Variants in RPS6KC1 observed in about 807,000 individuals in gnomAD.
The protein encoded by RPS6KC1 is inactive ribosomal protein S6 kinase delta-1.
Under a neutral mutation model 103.8 loss-of-function variants are expected in RPS6KC1, and 54 were observed. The observed-to-expected ratio is 0.52, with a 90% confidence interval of 0.42 to 0.65. RPS6KC1 has a LOEUF of 0.65. Among genes scored for constraint, RPS6KC1 ranks in the 30% least tolerant of loss-of-function variants. The pLI is 0.00. For synonymous variants in RPS6KC1, 439 were observed against 438.7 expected (o/e 1.00, Z -0.01); for missense variants, 1,151 against 1,253.8 (o/e 0.92, Z 1.24).
intron 6 of RPS6KC1, among the ~76,000 whole-genome samples, chr1:213,157,842 G>C (rs555649667): frequency 1.3e-5 from 2 of 152,104 alleles, no homozygotes; most frequent in Non-Finnish European, 2.9e-5. Context: ...ATCTGTTTTG[G>C]AGATCTGTTA....
intron 3 of RPS6KC1, among the ~76,000 whole-genome samples, chr1:213,099,040 G>C (rs2148724783): frequency 6.6e-6 from 1 of 152,294 alleles, no homozygotes; most frequent in South Asian, 2.1e-4. Flanking sequence ...AGTAGGAGAA[G>C]CACCTGATTA....
At chr1:213,611,317 G>A in the RPS6KC1 span, among the ~76,000 whole-genome samples, 15 of 152,108 alleles carry the variant, frequency 9.9e-5, no homozygotes, top group South Asian at 1.2e-3. Context: ...TCTTGGGACC[G>A]AGCTGCCCCC....
At chr1:213,210,063 G>A (rs1573302953) in intron 8 of RPS6KC1, among the ~76,000 whole-genome samples, 1 of 152,184 alleles carries the variant, frequency 6.6e-6, no homozygotes, top group Middle Eastern at 3.4e-3. Flanking sequence ...CCTCTTTACT[G>A]CATCATGTTT....
the RPS6KC1 span, among the ~76,000 whole-genome samples, chr1:213,804,892 GC>G: frequency 3.3e-5 from 5 of 152,134 alleles, no homozygotes; most frequent in African/African-American, 1.2e-4. Context: ...ACATATGCAG[GC>G]ATACCTTGGA....
At chr1:213,595,834 CA>C in the RPS6KC1 span, among the ~76,000 whole-genome samples, 2 of 152,218 alleles carry the variant, frequency 1.3e-5, no homozygotes, top group African/African-American at 4.8e-5. Context: ...TTTAACTTAA[CA>C]ATGTCTGAAA....
the RPS6KC1 span, among the ~76,000 whole-genome samples, chr1:213,719,827 T>C: frequency 2.0e-5 from 3 of 152,162 alleles, no homozygotes; most frequent in Non-Finnish European, 2.9e-5. Context: ...GAATTAATGT[T>C]GGTGATAGGG....
At chr1:213,120,525 A>G (rs2148922452) in intron 5 of RPS6KC1, among the ~76,000 whole-genome samples, 1 of 152,214 alleles carries the variant, frequency 6.6e-6, no homozygotes, top group South Asian at 2.1e-4. Context: ...CTAGTAGCAA[A>G]AGAGCAGGAA....
At chr1:213,523,627 T>C in the RPS6KC1 span, among the ~76,000 whole-genome samples, 834 of 152,362 alleles carry the variant, frequency 5.5e-3, 11 homozygotes, top group African/African-American at 0.019. Flanking sequence ...GTTATTGTTG[T>C]TGTCATTGTT....
intron 3 of RPS6KC1, among the ~76,000 whole-genome samples, chr1:213,090,696 A>T (rs1029899757): frequency 6.6e-6 from 1 of 152,196 alleles, no homozygotes; most frequent in African/African-American, 2.4e-5. Flanking sequence ...TTTTGGTCTT[A>T]GATTCTTCTT....
At chr1:213,445,315 A>T in the RPS6KC1 span, among the ~76,000 whole-genome samples, 3 of 152,306 alleles carry the variant, frequency 2.0e-5, no homozygotes, top group African/African-American at 7.2e-5. Context: ...CTTTATGTAG[A>T]CATATATTTT....
the RPS6KC1 span, among the ~76,000 whole-genome samples, chr1:213,452,937 G>A: frequency 1.3e-5 from 2 of 152,206 alleles, no homozygotes; most frequent in Non-Finnish European, 2.9e-5. Context: ...TGGGTGAATA[G>A]TGTTAGCATT....
At chr1:213,272,334 G>A (rs12750910) in intron 14 of RPS6KC1, among the ~76,000 whole-genome samples, 190 bp from the exon 15 acceptor site, 5,921 of 152,222 alleles carry the variant, frequency 0.039, 157 homozygotes, top group Non-Finnish European at 0.064. Flanking sequence ...ACTCAGTTCA[G>A]GTGTCTCTCA....
chr1:213,141,255 C>T (rs1008218763), intron 6 of RPS6KC1, among the ~76,000 whole-genome samples: 3 of 151,908 alleles, frequency 2.0e-5, no homozygotes, highest in African/African-American at 7.2e-5. Context: ...TGTCCAGGGC[C>T]TTCTGTTTGG....
the RPS6KC1 span, among the ~76,000 whole-genome samples, chr1:213,398,078 C>T: frequency 3.3e-5 from 5 of 151,494 alleles, no homozygotes; most frequent in Admixed American, 6.6e-5. Context: ...GTCACCCAGG[C>T]TGGAGTGCAG....
chr1:213,300,436 T>G, the RPS6KC1 span, among the ~76,000 whole-genome samples: 8 of 152,042 alleles, frequency 5.3e-5, no homozygotes, highest in Non-Finnish European at 1.0e-4. Context: ...GAAGCAGGAG[T>G]ATTGTGGCTG....
At chr1:213,397,414 G>GTTAAAAT in the RPS6KC1 span, among the ~76,000 whole-genome samples, 3 of 152,038 alleles carry the variant, frequency 2.0e-5, no homozygotes, top group African/African-American at 7.2e-5. Context: ...TTCATTCCTA[G>GTTAAAAT]TTAAAATTTT....
chr1:213,292,299 A>T, the RPS6KC1 span, among the ~76,000 whole-genome samples: 1 of 152,132 alleles, frequency 6.6e-6, no homozygotes, highest in Non-Finnish European at 1.5e-5. Flanking sequence ...CAAAAAAAAC[A>T]TGTTGACATT....
the RPS6KC1 span, among the ~76,000 whole-genome samples, chr1:213,439,738 A>G: frequency 6.6e-6 from 1 of 152,162 alleles, no homozygotes; most frequent in Admixed American, 6.5e-5. Context: ...TTATCCTGTT[A>G]TCACTTTTAC....
At chr1:213,447,216 G>T in the RPS6KC1 span, among the ~76,000 whole-genome samples, 1 of 151,902 alleles carries the variant, frequency 6.6e-6, no homozygotes, top group Non-Finnish European at 1.5e-5. Flanking sequence ...AACAGGCACT[G>T]CCACCACATT....
Sources: gnomAD v4.1 joint callset for allele counts (sites outside exome capture counted in the v4.1 genomes callset) on GRCh38, gnomAD v4.1.1 for gene constraint, MANE v1.5 for transcripts, NCBI Gene and HGNC (gene_info 2026-07-23, HGNC 2026-07-21) for gene names.